Variants in CSMD1 observed in about 807,000 individuals in gnomAD.
The protein encoded by CSMD1 is CUB and sushi domain-containing protein 1.
In CSMD1, 213 loss-of-function variants were observed where a neutral mutation model predicts 417.5. The ratio of observed to expected loss-of-function variants is 0.51; its 90% CI spans 0.46 to 0.57. The LOEUF (loss-of-function observed/expected upper bound fraction) is 0.57. CSMD1 is among the 20% of genes least tolerant of loss of function. The pLI, the probability that CSMD1 is intolerant of heterozygous loss-of-function variation, is 0.00. For synonymous variants in CSMD1, 2,862 were observed against 1,736.8 expected, an observed-to-expected ratio of 1.65 and a Z score of -16.11; for missense variants, 6,923 against 4,529.7, an observed-to-expected ratio of 1.53 and a Z score of -15.17.
At chr8:3,155,358 G>GTTTTTTTTTTT (rs763097673) in intron 39 of CSMD1, among the ~76,000 whole-genome samples, 14 of 48,098 alleles carry the variant, frequency 2.9e-4, no homozygotes, top group Admixed American at 1.4e-3. Flanking sequence ...TCAAGGCTGG[G>GTTTTTTTTTTT]ATTTTTTTTT....
At chr8:4,769,358 T>C (rs895630191) in intron 1 of CSMD1, among the ~76,000 whole-genome samples, 2 of 152,236 alleles carry the variant, frequency 1.3e-5, no homozygotes, top group Admixed American at 6.5e-5. Flanking sequence ...CTATGGGTTT[T>C]ATTCAATGAG....
rs2117364742 is a variant in CSMD1, at chr8:3,648,453, A to G, written c.1010-31656T>C. Among the ~76,000 whole-genome samples the G allele has an allele frequency of 2.0e-5, 3 of 152,334 alleles. No individual in the cohort carries two copies. The Middle Eastern group carries it at 0.01, about 518-fold the overall frequency. On this transcript the variant is annotated intron_variant, in intron 7 of 69. Transcript: ENST00000635120. Reference sequence around the variant, plus strand: ...TTGAGATTTTAATACTGGAGTACCTACATTTTCAGGGACAAGATGGCTCTA... The same window carrying G: ...TTGAGATTTTAATACTGGAGTACCTGCATTTTCAGGGACAAGATGGCTCTA...
chr8:4,206,266 A>C (rs1169362621), intron 3 of CSMD1, among the ~76,000 whole-genome samples: 1 of 152,082 alleles, frequency 6.6e-6, no homozygotes, highest in Non-Finnish European at 1.5e-5. Context: ...ACATATGTAT[A>C]CATGTGCCAT....
chr8:4,936,239 G>A (rs1383724345), intron 1 of CSMD1, among the ~76,000 whole-genome samples: 1 of 152,146 alleles, frequency 6.6e-6, no homozygotes, highest in East Asian at 1.9e-4. Context: ...TGTGCCCACA[G>A]ATATTATATC....
At position 3,772,384 on chromosome 8, in the gene CSMD1, T is replaced by C. The variant is rs1292471471; in HGVS notation, c.819-18342A>G. Among the ~76,000 whole-genome samples the C allele has an allele frequency of 3.4e-4, 46 of 135,914 alleles. 2 individuals carry two copies. Among genetic ancestry groups the C allele is most frequent in the African/African-American group, 1.4e-3 (46 of 33,630 alleles). The allele number at this position is 135,914 out of a possible 152,430, so 89.2% of individuals were successfully genotyped here. A position where few individuals can be genotyped will look rare whatever the true frequency, so the allele number is the denominator to read the frequency against. On this transcript the variant is annotated intron_variant, in intron 5 of 69. Transcript: ENST00000635120. The stretch of plus-strand genomic sequence containing the variant: ...ATATACATATATACATATATTCATA[T>C]ATTTATATATACACATATATACATA...
chr8:3,517,658 G>C (rs10104543), intron 10 of CSMD1, among the ~76,000 whole-genome samples: 2 of 152,022 alleles, frequency 1.3e-5, no homozygotes, highest in Non-Finnish European at 2.9e-5. Flanking sequence ...AAAGAATTTT[G>C]GTCTAGCTAA....
At chr8:3,435,385 C>G (rs533769048) in intron 12 of CSMD1, among the ~76,000 whole-genome samples, 1 of 152,160 alleles carries the variant, frequency 6.6e-6, no homozygotes, top group South Asian at 2.1e-4. Context: ...AGTCCCGCCA[C>G]CTCTCTGGAG....
At chr8:3,975,582 C>A (rs150495217) in intron 5 of CSMD1, among the ~76,000 whole-genome samples, 126 of 152,270 alleles carry the variant, frequency 8.3e-4, no homozygotes, top group African/African-American at 2.5e-3. Context: ...CAGAGAGAAG[C>A]TGGGCACCTC....
chr8:4,050,240 T>C (rs927670366), intron 3 of CSMD1, among the ~76,000 whole-genome samples: 3 of 152,082 alleles, frequency 2.0e-5, no homozygotes, highest in African/African-American at 7.2e-5. Context: ...CACTATAAAC[T>C]TCTGTATTTT....
At chr8:3,208,897 G>C (rs1797447374) in intron 30 of CSMD1, among the ~76,000 whole-genome samples, 1 of 152,134 alleles carries the variant, frequency 6.6e-6, no homozygotes, top group African/African-American at 2.4e-5. Flanking sequence ...TTGTTCCTCA[G>C]CCTGCAGACA....
intron 1 of CSMD1, among the ~76,000 whole-genome samples, chr8:4,966,166 C>A (rs1164910296): frequency 1.4e-5 from 2 of 145,174 alleles, no homozygotes; most frequent in African/African-American, 5.3e-5. Context: ...GAGTTCCAGA[C>A]CAGCTTGGCT....
chr8:4,595,375 T>C (rs146492979), intron 2 of CSMD1, among the ~76,000 whole-genome samples: 1 of 152,228 alleles, frequency 6.6e-6, no homozygotes, highest in Non-Finnish European at 1.5e-5. Context: ...TGTCTATTGA[T>C]GCATTCATTT....
intron 1 of CSMD1, among the ~76,000 whole-genome samples, chr8:4,782,482 T>C (rs182086114): frequency 6.6e-6 from 1 of 152,300 alleles, no homozygotes; most frequent in African/African-American, 2.4e-5. Context: ...AGAAATCTTA[T>C]TTAAGGACCA....
At chr8:3,517,849 C>G (rs1421179722) in intron 10 of CSMD1, among the ~76,000 whole-genome samples, 3 of 152,152 alleles carry the variant, frequency 2.0e-5, no homozygotes, top group African/African-American at 7.2e-5. Context: ...TCCTAGAAAT[C>G]CTCAACTGCA....
At chr8:4,964,798 C>T (rs189807122) in intron 1 of CSMD1, among the ~76,000 whole-genome samples, 2 of 152,244 alleles carry the variant, frequency 1.3e-5, no homozygotes, top group South Asian at 2.1e-4. Flanking sequence ...TTCTTTTTAT[C>T]GTCGTTGTCC....
At chr8:3,184,636 A>G (rs1365087460) in intron 36 of CSMD1, among the ~76,000 whole-genome samples, 2 of 152,290 alleles carry the variant, frequency 1.3e-5, no homozygotes, top group Admixed American at 6.5e-5. Context: ...ATTTCTATAC[A>G]TGGGCATACG....
chr8:3,753,707 G>C (rs1797487648), intron 6 of CSMD1, among the ~76,000 whole-genome samples: 1 of 152,146 alleles, frequency 6.6e-6, no homozygotes, highest in Admixed American at 6.5e-5. Flanking sequence ...AATTGTTCCA[G>C]TGTATCAAGA....
At chr8:4,765,840 T>G (rs914173732) in intron 1 of CSMD1, among the ~76,000 whole-genome samples, 5 of 152,152 alleles carry the variant, frequency 3.3e-5, no homozygotes, top group African/African-American at 1.2e-4. Flanking sequence ...AGAGAGAGCT[T>G]AGTAACTGGG....
At chr8:3,668,234 T>C (rs1167026804) in intron 7 of CSMD1, among the ~76,000 whole-genome samples, 2 of 152,168 alleles carry the variant, frequency 1.3e-5, no homozygotes, top group African/African-American at 4.8e-5. Context: ...CGTCCACCAC[T>C]GCTGGATCTC....
Sources: gnomAD v4.1 joint callset for allele counts (sites outside exome capture counted in the v4.1 genomes callset) on GRCh38, gnomAD v4.1.1 for gene constraint, MANE v1.5 for transcripts, NCBI Gene and HGNC (gene_info 2026-07-23, HGNC 2026-07-21) for gene names.